The following KCNIP4 variants were observed in gnomAD, a reference collection of about 807,000 sequenced individuals.
KCNIP4 encodes Kv channel-interacting protein 4.
Under a neutral mutation model 34.0 loss-of-function variants are expected in KCNIP4, and 12 were observed. The observed-to-expected ratio is 0.35, with a 90% CI of 0.23 to 0.57. The LOEUF is 0.57. Among genes scored for constraint, KCNIP4 ranks in the 20% least tolerant of loss-of-function variants. KCNIP4 has a pLI of 0.83. For synonymous variants in KCNIP4, 124 were observed against 102.2 expected (o/e 1.21, Z -1.29); for missense variants, 238 against 311.7 (o/e 0.76, Z 1.78).
chr4:21,819,203 G>A (rs971353638), intron 1 of KCNIP4, among the ~76,000 whole-genome samples: 2 of 152,206 alleles, frequency 1.3e-5, no homozygotes, highest in East Asian at 1.9e-4. Flanking sequence ...TCAAGTCAAA[G>A]TCTTTTGGAA....
intron 1 of KCNIP4, among the ~76,000 whole-genome samples, chr4:21,548,772 G>A (rs1337515190): frequency 6.6e-6 from 1 of 151,940 alleles, no homozygotes; most frequent in African/African-American, 2.4e-5. Flanking sequence ...TACCATGGAG[G>A]GATAGCTTAT....
At chr4:20,980,721 G>A (rs1735982254) in intron 1 of KCNIP4, among the ~76,000 whole-genome samples, 1 of 151,822 alleles carries the variant, frequency 6.6e-6, no homozygotes, top group South Asian at 2.1e-4. Context: ...AGGTATCACT[G>A]CTTCCTGAGG....
intron 1 of KCNIP4, among the ~76,000 whole-genome samples, chr4:21,449,291 C>G (rs1480831680): frequency 2.6e-5 from 4 of 152,104 alleles, no homozygotes; most frequent in African/African-American, 9.7e-5. Flanking sequence ...TATCTTATGC[C>G]TATAACCATG....
chr4:21,114,863 G>A (rs1401675369), intron 1 of KCNIP4, among the ~76,000 whole-genome samples: 2 of 152,146 alleles, frequency 1.3e-5, no homozygotes, highest in African/African-American at 2.4e-5. Context: ...ATTCAGAGCT[G>A]TTGAACTTGG....
rs193253187 is a variant in KCNIP4, at chr4:21,006,496, T to C, written c.62-123787A>G. ...GTAAATCAGACATTGCCACTCCTCATTGTAAGCTCTAGGTGTCTCTTTTTA... is the reference window on the plus strand; with the variant it reads ...GTAAATCAGACATTGCCACTCCTCACTGTAAGCTCTAGGTGTCTCTTTTTA... On this transcript the variant is annotated intron_variant, in intron 1 of 8. Coordinates refer to ENST00000382152, the MANE Select transcript of KCNIP4 (RefSeq NM_025221.6). Among the ~76,000 whole-genome samples the C allele has an allele frequency of 7.9e-5, 12 of 152,324 alleles. No homozygotes were observed. In the East Asian group the frequency reaches 2.3e-3, roughly 29 times the overall value.
chr4:21,066,512 C>A (rs1053415610), intron 1 of KCNIP4, among the ~76,000 whole-genome samples: 10 of 152,154 alleles, frequency 6.6e-5, no homozygotes, highest in Non-Finnish European at 1.0e-4. Flanking sequence ...ATCCCTCCCC[C>A]CATCCCCCGC....
chr4:20,823,884 G>A (rs768736096), intron 3 of KCNIP4, among the ~76,000 whole-genome samples: 19 of 152,242 alleles, frequency 1.2e-4, no homozygotes, highest in Middle Eastern at 3.4e-3. Context: ...GGGAGGAGTC[G>A]GAATGGAAAG....
chr4:20,940,375 A>G (rs760519701), intron 1 of KCNIP4, among the ~76,000 whole-genome samples: 3 of 152,190 alleles, frequency 2.0e-5, no homozygotes, highest in Non-Finnish European at 4.4e-5. Context: ...TATCTCATTT[A>G]TCTAAGTAGT....
At chr4:20,915,264 A>G (rs2149576387) in intron 1 of KCNIP4, among the ~76,000 whole-genome samples, 1 of 152,332 alleles carries the variant, frequency 6.6e-6, no homozygotes, top group South Asian at 2.1e-4. Flanking sequence ...CTGAGCTGTA[A>G]GCAATACTTT....
chr4:20,922,457 C>T (rs1729478702), intron 1 of KCNIP4, among the ~76,000 whole-genome samples: 1 of 152,112 alleles, frequency 6.6e-6, no homozygotes, highest in African/African-American at 2.4e-5. Context: ...TACTGGCTAT[C>T]CTGGTTTGCC....
chr4:20,732,085 C>CA lies in KCNIP4; in HGVS notation c.643-18dup, dbSNP rs111474115. 0.48 allele frequency: 750,134 copies of CA among 1,557,298 alleles called. 185,273 individuals are homozygous for CA. Among genetic ancestry groups the CA allele is most frequent in the African/African-American group, 0.6 (43,973 of 73,730 alleles). ...GTCCATTTTCTGTTCAGGAAGAAAA[C>CA]AAAAATTGTATTTAGACTTATCCCT... On this transcript the variant is annotated splice_polypyrimidine_tract_variant and intron_variant, in intron 7 of 8. Coordinates refer to ENST00000382152, the MANE Select transcript of KCNIP4 (RefSeq NM_025221.6).
chr4:21,750,672 C>T (rs1717093664), intron 1 of KCNIP4, among the ~76,000 whole-genome samples: 2 of 152,156 alleles, frequency 1.3e-5, no homozygotes, highest in South Asian at 2.1e-4. Flanking sequence ...TAATTCTAGG[C>T]ACCTGTAAGT....
chr4:21,887,631 TA>T (rs2109395613), intron 1 of KCNIP4, among the ~76,000 whole-genome samples: 1 of 152,164 alleles, frequency 6.6e-6, no homozygotes, highest in East Asian at 1.9e-4. Flanking sequence ...AGAAAATGAA[TA>T]TTTTCTCTTT....
chr4:21,067,977 T>G (rs1371013672), intron 1 of KCNIP4, among the ~76,000 whole-genome samples: 1 of 152,218 alleles, frequency 6.6e-6, no homozygotes, highest in Non-Finnish European at 1.5e-5. Context: ...AATTTTGTAT[T>G]AAAGTATAAA....
At chr4:21,309,057 C>A (rs377695236) in intron 1 of KCNIP4, among the ~76,000 whole-genome samples, 1 of 152,066 alleles carries the variant, frequency 6.6e-6, no homozygotes, top group Non-Finnish European at 1.5e-5. Context: ...AGTAATGAAC[C>A]CATTTCTGCT....
At chr4:21,944,856 T>A (rs62301456) in intron 1 of KCNIP4, among the ~76,000 whole-genome samples, 69,885 of 151,546 alleles carry the variant, frequency 0.46, 17,497 homozygotes, top group African/African-American at 0.65. Flanking sequence ...ACTTTTGGAA[T>A]GAAATGGGTG....
At chr4:21,193,138 T>G (rs1160825074) in intron 1 of KCNIP4, among the ~76,000 whole-genome samples, 1 of 151,058 alleles carries the variant, frequency 6.6e-6, no homozygotes. Context: ...AGTCTGGTTG[T>G]TTGTTTTAGA....
chr4:21,084,012 C>G (rs760699497), intron 1 of KCNIP4, among the ~76,000 whole-genome samples: 1 of 151,836 alleles, frequency 6.6e-6, no homozygotes, highest in Non-Finnish European at 1.5e-5. Flanking sequence ...CCCAAGACAG[C>G]CTTCTGATTG....
chr4:21,782,388 A>G (rs1057132774), intron 1 of KCNIP4, among the ~76,000 whole-genome samples: 1 of 152,202 alleles, frequency 6.6e-6, no homozygotes, highest in African/African-American at 2.4e-5. Context: ...ATGAAAATTC[A>G]TCTTTACATC....
Sources: gnomAD v4.1 joint callset for allele counts (sites outside exome capture counted in the v4.1 genomes callset) on GRCh38, gnomAD v4.1.1 for gene constraint, MANE v1.5 for transcripts, NCBI Gene and HGNC (gene_info 2026-07-23, HGNC 2026-07-21) for gene names.